DLC1: variants seen among roughly 807,000 people sequenced by gnomAD.
DLC1 encodes rho GTPase-activating protein 7.
In DLC1, 54 loss-of-function variants were observed where a neutral mutation model predicts 140.3. The ratio of observed to expected loss-of-function variants is 0.38; its 90% CI spans 0.31 to 0.48. DLC1 has a LOEUF of 0.48. Among genes scored for constraint, DLC1 ranks in the 20% least tolerant of loss-of-function variants. The pLI is 0.96. For synonymous variants in DLC1, 986 were observed against 728.1 expected (o/e 1.35, Z -5.70); for missense variants, 2,536 against 1,907.0 (o/e 1.33, Z -6.14).
chr8:13,319,125 C>G (rs1832981773), intron 4 of DLC1, among the ~76,000 whole-genome samples: 1 of 152,174 alleles, frequency 6.6e-6, no homozygotes, highest in Admixed American at 6.5e-5. Flanking sequence ...TCATCAGACT[C>G]AAACGTAATT....
chr8:13,577,133 A>T (rs757893350), intron 1 of DLC1, among the ~76,000 whole-genome samples: 2 of 152,132 alleles, frequency 1.3e-5, no homozygotes, highest in Non-Finnish European at 2.9e-5. Flanking sequence ...AACAGTCCAA[A>T]CTGGGCTGTT....
chr8:13,542,940 C>T (rs1803536635), intron 1 of DLC1, among the ~76,000 whole-genome samples: 1 of 151,952 alleles, frequency 6.6e-6, no homozygotes. Flanking sequence ...AGTATTTTGG[C>T]AAATGTTTTT....
At position 13,094,936 on chromosome 8, in the gene DLC1, C is replaced by T. The variant is rs1299961554; in HGVS notation, c.3349G>A (p.Gly1117Arg). ...LDQVGLFRKS[G>R]VKSRIQALRQ... Reference sequence around the variant, plus strand: ...AGAGCCTGAATCCGGGACTTGACCCCCGATTTTCTGAAGAGCCCAACCTGT... The same window carrying T: ...AGAGCCTGAATCCGGGACTTGACCCTCGATTTTCTGAAGAGCCCAACCTGT... The change falls in exon 12 of 18, where the codon GGG becomes AGG. Residue 1117 changes from glycine (G) to arginine (R), a missense_variant. Gly to Arg is a moderately radical substitution (Grantham distance 125). Transcript: ENST00000276297. 1 of 1,614,146 alleles carries T rather than the reference C, an allele frequency of 6.2e-7. No homozygotes were observed. Among genetic ancestry groups the T allele is most frequent in the Non-Finnish European group, 8.5e-7 (1 of 1,180,028 alleles).
At chr8:13,121,626 G>A (rs1821079399) in intron 5 of DLC1, among the ~76,000 whole-genome samples, 1 of 152,220 alleles carries the variant, frequency 6.6e-6, no homozygotes, top group East Asian at 1.9e-4. Flanking sequence ...ACAGCTCTCT[G>A]TAGCCTTGAA....
At chr8:13,179,358 C>T (rs542856510) in intron 5 of DLC1, among the ~76,000 whole-genome samples, 27 of 152,196 alleles carry the variant, frequency 1.8e-4, no homozygotes, top group African/African-American at 6.5e-4. Context: ...GAGGTATGTT[C>T]ATTTAACCCT....
At chr8:13,210,998 G>A (rs1585917912) in intron 5 of DLC1, among the ~76,000 whole-genome samples, 1 of 152,148 alleles carries the variant, frequency 6.6e-6, no homozygotes, top group Non-Finnish European at 1.5e-5. Flanking sequence ...AATAATGGGG[G>A]TGAGGTAGGA....
At chr8:13,170,463 G>T (rs1015939952) in intron 5 of DLC1, among the ~76,000 whole-genome samples, 1 of 152,170 alleles carries the variant, frequency 6.6e-6, no homozygotes. Flanking sequence ...GGGCGCGGTG[G>T]CTCACGCCTG....
At chr8:13,377,965 GA>G (rs1836077251) in intron 4 of DLC1, among the ~76,000 whole-genome samples, 2 of 150,932 alleles carry the variant, frequency 1.3e-5, no homozygotes, top group East Asian at 3.9e-4. Context: ...TTTTATCAAA[GA>G]ATAAAAATAT....
At position 13,319,819 on chromosome 8, in the gene DLC1, C is replaced by CTTTTTTTTTTTTTTTT. The variant is rs547737556; in HGVS notation, c.1315-14518_1315-14517insAAAAAAAAAAAAAAAA. ...CCAACCATTGTTTAATTCTCTCTCT[C>CTTTTTTTTTTTTTTTT]TCTTTTTTTTTTTTTTTTTTTGAGA... On this transcript the variant is annotated intron_variant, in intron 4 of 17. Transcript: ENST00000276297. Among the ~76,000 whole-genome samples, 27 of 76,154 alleles carry CTTTTTTTTTTTTTTTT rather than the reference C, an allele frequency of 3.5e-4. 4 individuals are homozygous for CTTTTTTTTTTTTTTTT. The highest frequency in any genetic ancestry group is 9.4e-4 in the African/African-American group (19 of 20,298). 50.0% of individuals were successfully genotyped at this position (76,154 alleles called of 152,430 possible).
intron 2 of DLC1, among the ~76,000 whole-genome samples, chr8:13,406,481 G>A (rs931980888): frequency 3.9e-5 from 6 of 152,136 alleles, no homozygotes; most frequent in African/African-American, 1.4e-4. Flanking sequence ...TAACTTCTCA[G>A]CTTGTCCCAC....
rs540656793 is a variant in DLC1 at position 13,297,683 on chromosome 8, CA to C, written c.1348+7585del. Among the ~76,000 whole-genome samples, 8 of 152,248 alleles carry C rather than the reference CA, an allele frequency of 5.3e-5. No homozygotes were observed. In the East Asian group the frequency reaches 1.5e-3, roughly 29 times the overall value. On this transcript the variant is annotated intron_variant, in intron 5 of 17. Transcript: ENST00000276297. ...TCCATACTAAAATGAAGACACAAAA[CA>C]GAGCAGAGTCTTTCCAAAGAGAAGT... is the stretch of plus-strand genomic sequence containing the variant.
chr8:13,247,260 T>C (rs1829802826), intron 5 of DLC1, among the ~76,000 whole-genome samples: 1 of 152,216 alleles, frequency 6.6e-6, no homozygotes, highest in South Asian at 2.1e-4. Flanking sequence ...CATTACTATC[T>C]GCTTGTGCAA....
intron 2 of DLC1, among the ~76,000 whole-genome samples, chr8:13,427,110 A>G (rs1307633422): frequency 6.6e-6 from 1 of 152,104 alleles, no homozygotes; most frequent in Non-Finnish European, 1.5e-5. Context: ...TCTTTTACAC[A>G]TTTGTCTTCA....
intron 2 of DLC1, among the ~76,000 whole-genome samples, chr8:13,485,210 C>A (rs551849253): frequency 1.3e-5 from 2 of 152,160 alleles, no homozygotes; most frequent in Admixed American, 1.3e-4. Context: ...TACATAGAGA[C>A]TGACTTTTAT....
At chr8:13,298,786 G>C (rs563291971) in intron 5 of DLC1, among the ~76,000 whole-genome samples, 33 of 152,238 alleles carry the variant, frequency 2.2e-4, no homozygotes, top group African/African-American at 7.5e-4. Context: ...TGAGTGACGG[G>C]GAAAGCTGGA....
At chr8:13,501,975 G>A (rs191092781) in intron 1 of DLC1, among the ~76,000 whole-genome samples, 4 of 152,184 alleles carry the variant, frequency 2.6e-5, no homozygotes, top group Middle Eastern at 3.4e-3. Context: ...AGAAAGAGCC[G>A]GCTCACTTAA....
At chr8:13,414,036 A>G (rs1171219755) in intron 2 of DLC1, among the ~76,000 whole-genome samples, 2 of 152,140 alleles carry the variant, frequency 1.3e-5, no homozygotes, top group East Asian at 3.9e-4. Flanking sequence ...CTTATTGAAA[A>G]CAAAAACACA....
intron 5 of DLC1, among the ~76,000 whole-genome samples, chr8:13,211,003 G>A (rs911663714): frequency 1.3e-5 from 2 of 152,174 alleles, no homozygotes. Flanking sequence ...TGGGGGTGAG[G>A]TAGGAGATGA....
At chr8:13,566,116 C>T (rs910477360) in intron 1 of DLC1, among the ~76,000 whole-genome samples, 1 of 152,048 alleles carries the variant, frequency 6.6e-6, no homozygotes, top group African/African-American at 2.4e-5. Context: ...CTGCCTTCAG[C>T]CTTCATAATC....
Sources: gnomAD v4.1 joint callset for allele counts (sites outside exome capture counted in the v4.1 genomes callset) on GRCh38, gnomAD v4.1.1 for gene constraint, MANE v1.5 for transcripts, NCBI Gene and HGNC (gene_info 2026-07-23, HGNC 2026-07-21) for gene names.